The following NLGN1 variants were observed in gnomAD, a reference collection of about 807,000 sequenced individuals.
The protein encoded by NLGN1 is neuroligin-1.
Under a neutral mutation model 65.5 loss-of-function variants are expected in NLGN1, and 12 were observed. The ratio of observed to expected loss-of-function variants is 0.18; its 90% CI spans 0.12 to 0.30. The LOEUF is 0.30. Ranked by LOEUF, NLGN1 falls within the 10% of genes least tolerant of loss-of-function variation. The probability of loss-of-function intolerance (pLI) is 1.00; values close to 1 mark genes in which losing one functional copy is unlikely to be tolerated. For missense variants in NLGN1, 750 were observed against 1,007.1 expected, an observed-to-expected ratio of 0.74 and a Z score of 3.46; for synonymous variants, 350 against 359.5, an observed-to-expected ratio of 0.97 and a Z score of 0.30.
intron 2 of NLGN1, among the ~76,000 whole-genome samples, chr3:173,602,559 A>T (rs1347195115): frequency 6.6e-6 from 1 of 151,996 alleles, no homozygotes; most frequent in Non-Finnish European, 1.5e-5. Flanking sequence ...TAACACAGGG[A>T]TTTCTAAGTA....
In NLGN1 at chr3:174,030,422, C is replaced by T. The variant is rs1408136934; in HGVS notation, c.646+222590C>T. 2.0e-5 allele frequency among the ~76,000 whole-genome samples: 3 copies of T among 152,196 alleles called. No individual in the cohort carries two copies. The East Asian group carries it at 5.8e-4, about 29-fold the overall frequency. On this transcript the variant is annotated intron_variant, in intron 4 of 6. Transcript: ENST00000457714. ...TCCAGATGTGAGCCACCTCGCCCAG[C>T]CAGCTATTCTTAATACACTCCATAG...
intron 1 of NLGN1, among the ~76,000 whole-genome samples, chr3:173,433,181 T>C (rs1049561243): frequency 2.0e-5 from 3 of 152,204 alleles, no homozygotes; most frequent in Non-Finnish European, 4.4e-5. Context: ...TTGCTGCCAT[T>C]GTGCCTTCCT....
chr3:173,795,214 C>G (rs1012992292), intron 3 of NLGN1, among the ~76,000 whole-genome samples: 1 of 152,080 alleles, frequency 6.6e-6, no homozygotes, highest in Non-Finnish European at 1.5e-5. Flanking sequence ...AAGATTTGCA[C>G]TGATATGGAT....
chr3:174,117,200 G>A (rs6765643), intron 4 of NLGN1, among the ~76,000 whole-genome samples: 10 of 148,760 alleles, frequency 6.7e-5, no homozygotes, highest in South Asian at 2.1e-4. Context: ...CATTATGTCT[G>A]TAATAGGCAT....
chr3:173,460,438 A>C (rs775987282), intron 2 of NLGN1, among the ~76,000 whole-genome samples: 1 of 152,112 alleles, frequency 6.6e-6, no homozygotes, highest in Non-Finnish European at 1.5e-5. Flanking sequence ...CTTTCTTTGA[A>C]ACTTGGCATC....
intron 2 of NLGN1, among the ~76,000 whole-genome samples, chr3:173,587,784 A>G (rs745908283): frequency 1.3e-5 from 2 of 151,260 alleles, no homozygotes; most frequent in African/African-American, 2.5e-5. Context: ...CTATGTAAAA[A>G]CTGATGTTGC....
chr3:173,879,889 A>T (rs973259532), intron 4 of NLGN1, among the ~76,000 whole-genome samples: 2 of 152,188 alleles, frequency 1.3e-5, no homozygotes, highest in Admixed American at 6.5e-5. Context: ...CATGTAAATG[A>T]ATTCTTAAAA....
chr3:173,911,240 T>C (rs2152223326), intron 4 of NLGN1, among the ~76,000 whole-genome samples: 1 of 152,340 alleles, frequency 6.6e-6, no homozygotes, highest in East Asian at 1.9e-4. Flanking sequence ...GCTAATATTC[T>C]TTTCTCTAGC....
intron 2 of NLGN1, among the ~76,000 whole-genome samples, chr3:173,489,453 A>G (rs1160669872): frequency 1.3e-5 from 2 of 152,116 alleles, no homozygotes; most frequent in Non-Finnish European, 2.9e-5. Flanking sequence ...CATGGTGTAT[A>G]TGTGCCACAT....
chr3:174,083,339 G>A (rs1269776748), intron 4 of NLGN1, among the ~76,000 whole-genome samples: 1 of 151,970 alleles, frequency 6.6e-6, no homozygotes, highest in Non-Finnish European at 1.5e-5. Context: ...TATGAATTAA[G>A]ATAAATATAT....
At chr3:173,563,574 G>A (rs1449637054) in intron 2 of NLGN1, among the ~76,000 whole-genome samples, 3 of 152,110 alleles carry the variant, frequency 2.0e-5, no homozygotes, top group East Asian at 3.9e-4. Flanking sequence ...TCTTTGATAC[G>A]CTTGTATCTG....
chr3:173,836,518 A>G (rs954903513), intron 4 of NLGN1, among the ~76,000 whole-genome samples: 2 of 152,200 alleles, frequency 1.3e-5, no homozygotes, highest in African/African-American at 4.8e-5. Flanking sequence ...TAAAATCCTC[A>G]TAATATGCTC....
intron 4 of NLGN1, among the ~76,000 whole-genome samples, chr3:174,108,327 G>C (rs1714421193): frequency 6.6e-6 from 1 of 152,090 alleles, no homozygotes; most frequent in East Asian, 1.9e-4. Flanking sequence ...TCTGTTCCTT[G>C]CTTGGTTGCC....
intron 5 of NLGN1, among the ~76,000 whole-genome samples, chr3:174,277,219 A>AAATC (rs1044344484): frequency 5.2e-4 from 79 of 152,058 alleles, no homozygotes; most frequent in African/African-American, 1.9e-3. Context: ...AAATCTCTTG[A>AAATC]AATCATCAAG....
chr3:173,445,485 G>A (rs539259807), intron 2 of NLGN1, among the ~76,000 whole-genome samples: 85 of 152,304 alleles, frequency 5.6e-4, no homozygotes, highest in Non-Finnish European at 4.1e-4. Flanking sequence ...GAGACTTGGA[G>A]AGGTTAGATA....
At chr3:173,919,451 T>A (rs1741485103) in intron 4 of NLGN1, among the ~76,000 whole-genome samples, 1 of 152,208 alleles carries the variant, frequency 6.6e-6, no homozygotes, top group Non-Finnish European at 1.5e-5. Context: ...TTCATTAAAT[T>A]GTCTAAGCCA....
At chr3:173,546,170 A>C (rs1298653772) in intron 2 of NLGN1, among the ~76,000 whole-genome samples, 5 of 152,208 alleles carry the variant, frequency 3.3e-5, no homozygotes, top group African/African-American at 4.8e-5. Context: ...CAATGTAACA[A>C]ATATGTCAGC....
intron 4 of NLGN1, among the ~76,000 whole-genome samples, chr3:173,839,286 ATGTTTATG>A (rs1301741424): frequency 6.6e-6 from 1 of 152,126 alleles, no homozygotes; most frequent in Non-Finnish European, 1.5e-5. Flanking sequence ...GGAAAACAGA[ATGTTTATG>A]TGCCTATAAA....
chr3:173,497,105 C>G (rs979809272), intron 2 of NLGN1, among the ~76,000 whole-genome samples: 1 of 151,854 alleles, frequency 6.6e-6, no homozygotes, highest in Non-Finnish European at 1.5e-5. Flanking sequence ...TTATTTAGGC[C>G]AGGTGCGGTG....
Sources: gnomAD v4.1 joint callset for allele counts (sites outside exome capture counted in the v4.1 genomes callset) on GRCh38, gnomAD v4.1.1 for gene constraint, MANE v1.5 for transcripts, NCBI Gene and HGNC (gene_info 2026-07-23, HGNC 2026-07-21) for gene names.